WDR90: variants seen among roughly 807,000 people sequenced by gnomAD.
WDR90 encodes the protein WD repeat-containing protein 90.
Under a neutral mutation model 195.2 loss-of-function variants are expected in WDR90, and 238 were observed. The ratio of observed to expected loss-of-function variants is 1.22; its 90% CI spans 1.10 to 1.36. The LOEUF is 1.36. Ranked by LOEUF, WDR90 falls within the 40% of genes most tolerant of loss-of-function variation. The pLI is 0.00. For missense variants in WDR90, 2,734 were observed against 2,439.5 expected (o/e 1.12, Z -2.54); for synonymous variants, 1,265 against 1,052.4 (o/e 1.20, Z -3.91).
Position 655,637 on chromosome 16 carries a change from G to T in WDR90, c.1783G>T (p.Ala595Ser). Residue 595 changes from alanine to serine, a missense_variant, in exon 16 of 41, where the codon GCC becomes TCC. Physicochemically the swap from Ala to Ser is moderately conservative, Grantham distance 99 (BLOSUM62 1). Coordinates refer to ENST00000293879, the MANE Select transcript of WDR90 (RefSeq NM_145294.5). ...CTGTCAGCGCATGGTCGTGCGGCAT[G>T]CCCGCCGCCTGCTCCCCACACGGAC... ...IDCQRMVVRH[A>S]RRLLPTRTPG... 3.1e-6 allele frequency: 5 copies of T among 1,607,794 alleles called. No homozygotes were observed. Among genetic ancestry groups the T allele is most frequent in the Non-Finnish European group, 4.2e-6 (5 of 1,177,428 alleles).
chr16:657,561 C>T (rs566722133), intron 20 of WDR90, among the ~76,000 whole-genome samples: 2 of 152,242 alleles, frequency 1.3e-5, no homozygotes, highest in South Asian at 4.1e-4. Context: ...ATGACTACTG[C>T]TGGCCCACGG....
chr16:665,394 G>C lies in WDR90; in HGVS notation c.4312-285G>C, dbSNP rs1025086398. 9 of 580,528 alleles carry C rather than the reference G, an allele frequency of 1.6e-5. No homozygotes were observed. The African/African-American group carries it at 1.7e-4, about 11-fold the overall frequency. 36.0% of individuals were successfully genotyped at this position (580,528 alleles called of 1,614,324 possible). A position where few individuals can be genotyped will look rare whatever the true frequency, so the allele number is the denominator to read the frequency against. ...AGTCTGTAGCCTGCTAGGGATGCAC[G>C]GCCACGCTCCTGTCTTTGAGGTGCT... On this transcript the variant is annotated intron_variant, in intron 34 of 40. Transcript: ENST00000293879.
At position 660,629 on chromosome 16, in the gene WDR90, C is replaced by T. The variant is rs564250498; in HGVS notation, c.3306C>T (p.Pro1102=). The T allele has an allele frequency of 1.6e-5, 25 of 1,572,338 alleles. No individual in the cohort carries two copies. The highest frequency in any genetic ancestry group is 9.2e-5 in the Admixed American group (5 of 54,454). ...CCTCGCAGGGCACTTGCCCGCCTCC[C>T]GCCAGCGGTGGGTGGCTGCGTCTGA... ...PHSAKGTCPP[P]ASGGWLRLKA... Residue 1102 remains proline, a synonymous_variant, in exon 28 of 41, where the codon CCC becomes CCT. Transcript: ENST00000293879.
intron 20 of WDR90, chr16:657,432 CTG>C: frequency 1.1e-6 from 1 of 886,898 alleles, no homozygotes; most frequent in Admixed American, 3.1e-5. Flanking sequence ...CAGCTCGGGT[CTG>C]TGCCCAGGAG....
Position 650,830 on chromosome 16 carries a change from G to T in WDR90, c.559+121G>T. ...CGAGCTGTGCTGTCTCTGAGCTCTG[G>T]CCAGAACCCATCCCAGAGGCAGCCC... On this transcript the variant is annotated intron_variant, in intron 5 of 40. Transcript: ENST00000293879. 4 of 1,494,368 alleles carry T rather than the reference G, an allele frequency of 2.7e-6. No individual in the cohort carries two copies. The South Asian group carries it at 5.0e-5, about 19-fold the overall frequency. The allele number at this position is 1,494,368 out of a possible 1,614,324, so 92.6% of individuals were successfully genotyped here.
intron 34 of WDR90, 123 bp from the exon 35 acceptor site, chr16:665,556 C>A: frequency 6.6e-7 from 1 of 1,513,588 alleles, no homozygotes; most frequent in Non-Finnish European, 9.1e-7. Flanking sequence ...TGGAGTTGGC[C>A]GGGGCCAGAG....
chr16:649,883 C>A (rs1177164765), intron 2 of WDR90, 29 bp downstream of exon 2: 14 of 1,577,668 alleles, frequency 8.9e-6, no homozygotes, highest in Non-Finnish European at 1.2e-5. Context: ...GCCCGGAGCC[C>A]ACACCCCTGC....
At chr16:653,861 G>A in intron 13 of WDR90, 58 bp downstream of exon 13, 1 of 1,595,468 alleles carries the variant, frequency 6.3e-7, no homozygotes, top group Middle Eastern at 1.7e-4. Context: ...GCAGACAGCT[G>A]GAAGGGTCTT....
At chr16:651,173 C>A in intron 6 of WDR90, 26 bp from the exon 7 acceptor site, 5 of 1,613,252 alleles carry the variant, frequency 3.1e-6, no homozygotes, top group Non-Finnish European at 4.2e-6. Flanking sequence ...GGCCCCCAGA[C>A]ACTGACTCTC....
At chr16:659,673 C>T (rs1325361802) in intron 26 of WDR90, among the ~76,000 whole-genome samples, 1 of 152,204 alleles carries the variant, frequency 6.6e-6, no homozygotes, top group African/African-American at 2.4e-5. Flanking sequence ...CCCCGAGGGG[C>T]TTGGGCAGGC....
At chr16:661,550 G>C (rs992147741) in intron 30 of WDR90, 47 bp from the exon 31 acceptor site, 1 of 1,580,306 alleles carries the variant, frequency 6.3e-7, no homozygotes, top group African/African-American at 1.3e-5. Context: ...GACCCCGGGG[G>C]GGGCTGCATC....
chr16:666,426 C>G (rs764445102), intron 37 of WDR90, 29 bp from the exon 38 acceptor site: 2 of 1,608,246 alleles, frequency 1.2e-6, no homozygotes, highest in African/African-American at 1.3e-5. Context: ...CAGAAGGCAC[C>G]TGTCGGCCCT....
rs1464251395 is a variant in WDR90, at chr16:651,850, C to G, written c.864C>G (p.Pro288=). 6 of 1,610,312 alleles carry G rather than the reference C, an allele frequency of 3.7e-6. No homozygotes were observed. The Admixed American group carries it at 6.7e-5, about 18-fold the overall frequency. ...AGTCCGGCCGGGCCGCCTTGGCACC[C>G]AGGCCCTTCCCGGAGGTCAGCCTGT... ...PTASGRAALA[P]RPFPEVSLSQ... is the part of the protein sequence containing the mutation. The change falls in exon 9 of 41, where the codon CCC becomes CCG. Residue 288 remains proline (P), a synonymous_variant. Coordinates refer to ENST00000293879, the MANE Select transcript of WDR90 (RefSeq NM_145294.5).
chr16:653,484 C>T (rs776559982), intron 11 of WDR90, 33 bp downstream of exon 11: 2 of 1,612,394 alleles, frequency 1.2e-6, no homozygotes, highest in Admixed American at 1.7e-5. Context: ...GCAGCTCACA[C>T]CTGCAGCCCC....
chr16:653,826 T>C (rs762230975), intron 13 of WDR90, 23 bp downstream of exon 13: 2 of 1,612,554 alleles, frequency 1.2e-6, no homozygotes, highest in East Asian at 2.2e-5. Context: ...TGGCTGCGGG[T>C]TGGGGTGGGG....
At chr16:652,155 G>T in intron 9 of WDR90, 116 bp downstream of exon 9, 1 of 1,266,398 alleles carries the variant, frequency 7.9e-7, no homozygotes, top group African/African-American at 1.5e-5. Context: ...CTCTTGTTCA[G>T]CCTCCTGGCA....
intron 33 of WDR90, 138 bp downstream of exon 33, chr16:662,469 G>A: frequency 7.9e-7 from 1 of 1,264,094 alleles, no homozygotes; most frequent in Non-Finnish European, 1.1e-6. Context: ...GGACAGGCTT[G>A]GGTGTGGCCT....
At chr16:650,493 G>A (rs763836852) in intron 4 of WDR90, 46 bp from the exon 5 acceptor site, 24 of 1,586,836 alleles carry the variant, frequency 1.5e-5, no homozygotes, top group Admixed American at 1.0e-4. Flanking sequence ...TGGGAGTCGC[G>A]GGCTGTCAGG....
At position 663,861 on chromosome 16, in the gene WDR90, C is replaced by T. The variant is rs117827828; in HGVS notation, c.4311+1017C>T. ...TTCCTTCCCCTGCTGGACCAGGTTC[C>T]TGGCGTGGCGTTGGTCTAGCAGCTG... On this transcript the variant is annotated intron_variant, in intron 34 of 40. Coordinates refer to ENST00000293879, the MANE Select transcript of WDR90 (RefSeq NM_145294.5). Among the ~76,000 whole-genome samples the T allele has an allele frequency of 7.5e-4, 115 of 152,324 alleles. 6 individuals are homozygous for T. In the South Asian group the frequency reaches 0.015, roughly 19 times the overall value.
Sources: gnomAD v4.1 joint callset for allele counts (sites outside exome capture counted in the v4.1 genomes callset) on GRCh38, gnomAD v4.1.1 for gene constraint, MANE v1.5 for transcripts, NCBI Gene and HGNC (gene_info 2026-07-23, HGNC 2026-07-21) for gene names.